The following TINAG variants were observed in gnomAD, a reference collection of about 807,000 sequenced individuals.
TINAG encodes tubulointerstitial nephritis antigen.
TINAG carries 83 observed loss-of-function variants against 72.7 expected under a neutral mutation model. That is an observed-to-expected ratio of 1.14 (90% confidence interval 0.96 to 1.37). The LOEUF is 1.37. TINAG is among the 40% of genes most tolerant of loss of function. The pLI is 0.00. For synonymous variants in TINAG, 234 were observed against 189.9 expected (o/e 1.23, Z -1.91); for missense variants, 685 against 576.6 (o/e 1.19, Z -1.93).
At chr6:54,377,018 A>T (rs549570248) in intron 9 of TINAG, among the ~76,000 whole-genome samples, 1 of 152,146 alleles carries the variant, frequency 6.6e-6, no homozygotes, top group Non-Finnish European at 1.5e-5. Flanking sequence ...ATTCCCAGGT[A>T]TCACTAAATT....
chr6:54,339,889 G>A (rs1784956485), intron 4 of TINAG, among the ~76,000 whole-genome samples: 1 of 152,036 alleles, frequency 6.6e-6, no homozygotes, highest in South Asian at 2.1e-4. Context: ...AAATGGGTGG[G>A]GGGAAATACA....
At position 54,347,413 on chromosome 6, in the gene TINAG, G is replaced by T. The variant is rs771445541; in HGVS notation, c.795G>T (p.Thr265=). Residue 265 remains threonine (T), a synonymous_variant, in exon 6 of 11, where the codon ACG becomes ACT. Coordinates refer to ENST00000259782, the MANE Select transcript of TINAG (RefSeq NM_014464.4). ...RIAIQSKGRY[T]ANLSPQNLIS... The stretch of plus-strand genomic sequence containing the variant: ...CAATTCAGTCTAAGGGTCGATACAC[G>T]GCCAATCTATCCCCTCAGAATTTGA... The T allele has an allele frequency of 6.8e-6, 11 of 1,612,994 alleles. No homozygotes were observed. The Admixed American group carries it at 1.5e-4, about 22-fold the overall frequency.
At chr6:54,364,200 C>G (rs559793902) in intron 9 of TINAG, among the ~76,000 whole-genome samples, 1 of 151,422 alleles carries the variant, frequency 6.6e-6, no homozygotes, top group Non-Finnish European at 1.5e-5. Context: ...GGTAATAGTA[C>G]CTTTCTGCCC....
At chr6:54,313,163 A>T (rs1784296797) in intron 1 of TINAG, among the ~76,000 whole-genome samples, 1 of 152,176 alleles carries the variant, frequency 6.6e-6, no homozygotes, top group African/African-American at 2.4e-5. Context: ...AGCATCTTAA[A>T]CATGTATTTT....
intron 10 of TINAG, among the ~76,000 whole-genome samples, chr6:54,383,203 A>C (rs1764001016): frequency 6.6e-6 from 1 of 152,166 alleles, no homozygotes; most frequent in Non-Finnish European, 1.5e-5. Context: ...TTTTGGGAGA[A>C]GTGAAAGAAA....
intron 4 of TINAG, among the ~76,000 whole-genome samples, chr6:54,329,724 G>A (rs1784691751): frequency 6.6e-6 from 1 of 151,986 alleles, no homozygotes; most frequent in Non-Finnish European, 1.5e-5. Context: ...GTATTCAGGA[G>A]ACCCATCTCA....
At chr6:54,315,878 A>T (rs749999139) in intron 1 of TINAG, among the ~76,000 whole-genome samples, 3 of 152,158 alleles carry the variant, frequency 2.0e-5, no homozygotes, top group Non-Finnish European at 4.4e-5. Context: ...TAAAAAATGT[A>T]TGTGAGTCAC....
chr6:54,351,041 T>C (rs940732797), intron 7 of TINAG, among the ~76,000 whole-genome samples: 5 of 152,012 alleles, frequency 3.3e-5, no homozygotes, highest in Admixed American at 3.3e-4. Flanking sequence ...GGGATATCTC[T>C]TGTGAGAAAA....
At chr6:54,386,502 A>T (rs1383573049) in intron 10 of TINAG, among the ~76,000 whole-genome samples, 2 of 152,022 alleles carry the variant, frequency 1.3e-5, no homozygotes, top group Non-Finnish European at 2.9e-5. Flanking sequence ...CTGACTGAGG[A>T]TATTCTCAGA....
At chr6:54,330,958 A>T (rs541899355) in intron 4 of TINAG, among the ~76,000 whole-genome samples, 4 of 152,220 alleles carry the variant, frequency 2.6e-5, no homozygotes, top group Non-Finnish European at 5.9e-5. Flanking sequence ...AAATTGAGGC[A>T]GTAGTTAATA....
rs1364022831 is a variant in TINAG at position 54,320,662 on chromosome 6, CA to C, written c.419+21del. The C allele has an allele frequency of 6.3e-7, 1 of 1,589,314 alleles. No individual in the cohort carries two copies. Among genetic ancestry groups the C allele is most frequent in the East Asian group, 2.2e-5 (1 of 44,574 alleles). Reference sequence around the variant, plus strand: ...CTCCTGGTAATAAATTTAAGTGGCACAGAACTGAGTTCTACTGTGTGTGTAT... The same window carrying C: ...CTCCTGGTAATAAATTTAAGTGGCACGAACTGAGTTCTACTGTGTGTGTAT... On this transcript the variant is annotated intron_variant, in intron 2 of 10. Transcript: ENST00000259782.
At chr6:54,388,562 G>T (rs987132568) in intron 10 of TINAG, among the ~76,000 whole-genome samples, 2 of 152,042 alleles carry the variant, frequency 1.3e-5, no homozygotes, top group African/African-American at 4.8e-5. Context: ...TTAGTCCCAG[G>T]GTAGGGTAAA....
chr6:54,385,329 A>G (rs1764067864), intron 10 of TINAG, among the ~76,000 whole-genome samples: 1 of 152,110 alleles, frequency 6.6e-6, no homozygotes, highest in South Asian at 2.1e-4. Context: ...TGCAGATTCA[A>G]TAGATATGAA....
intron 9 of TINAG, among the ~76,000 whole-genome samples, chr6:54,366,131 G>A (rs1386813248): frequency 6.6e-6 from 1 of 151,568 alleles, no homozygotes; most frequent in African/African-American, 2.4e-5. Flanking sequence ...CTCATGAGGT[G>A]GGAATTATTA....
rs371898750 is a variant in TINAG at position 54,321,417 on chromosome 6, G to A, written c.509+31G>A. On this transcript the variant is annotated intron_variant, in intron 3 of 10. Transcript: ENST00000259782. Reference sequence around the variant, plus strand: ...AGAAATCTTGCTTTGTATGTTTCTTGACACTGCCATTTACTATGCAGGTTT... The same window carrying A: ...AGAAATCTTGCTTTGTATGTTTCTTAACACTGCCATTTACTATGCAGGTTT... 9 of 1,462,848 alleles carry A rather than the reference G, an allele frequency of 6.2e-6. No homozygotes were observed. The African/African-American group carries it at 9.8e-5, about 16-fold the overall frequency. 90.6% of individuals were successfully genotyped at this position (1,462,848 alleles called of 1,614,324 possible). A position where few individuals can be genotyped will look rare whatever the true frequency, so the allele number is the denominator to read the frequency against.
intron 9 of TINAG, among the ~76,000 whole-genome samples, chr6:54,375,341 G>C (rs556206295): frequency 6.6e-6 from 1 of 152,266 alleles, no homozygotes; most frequent in East Asian, 1.9e-4. Context: ...AAAGGTTTAT[G>C]TGTAGAGCCA....
chr6:54,369,004 C>T (rs1216285548), intron 9 of TINAG, among the ~76,000 whole-genome samples: 2 of 151,644 alleles, frequency 1.3e-5, no homozygotes, highest in East Asian at 1.9e-4. Context: ...ATAATGTTTA[C>T]TGTTTTCTGA....
rs892997757 is a variant in TINAG, at chr6:54,372,737, T to A, written c.1251-7789T>A. On this transcript the variant is annotated intron_variant, in intron 9 of 10. Transcript: ENST00000259782. ...TTATATAAATACATACATATATATA[T>A]ATATATATATATATATATATATATA... Among the ~76,000 whole-genome samples, 8 of 5,260 alleles carry A rather than the reference T, an allele frequency of 1.5e-3. No individual in the cohort carries two copies. The South Asian group carries it at 0.029, about 19-fold the overall frequency. 3.5% of individuals were successfully genotyped at this position (5,260 alleles called of 152,430 possible).
chr6:54,329,093 G>T (rs1784677043), intron 4 of TINAG, among the ~76,000 whole-genome samples: 1 of 151,926 alleles, frequency 6.6e-6, no homozygotes. Context: ...ACCAAGACAG[G>T]CCAACATTCA....
Sources: allele counts gnomAD v4.1 joint callset (sites outside exome capture counted in the v4.1 genomes callset), GRCh38; gene constraint gnomAD v4.1.1; transcripts MANE v1.5; gene names NCBI Gene and HGNC (gene_info 2026-07-23, HGNC 2026-07-21).